KDM7A: variants seen among roughly 807,000 people sequenced by gnomAD.
KDM7A encodes lysine-specific demethylase 7A.
A neutral mutation model predicts 114.8 loss-of-function variants in KDM7A; 28 were observed. The observed-to-expected ratio is 0.24, with a 90% CI of 0.18 to 0.33. The LOEUF is 0.33. Ranked by LOEUF, KDM7A falls within the 10% of genes least tolerant of loss-of-function variation. The probability of loss-of-function intolerance (pLI) is 1.00; values close to 1 mark genes in which losing one functional copy is unlikely to be tolerated. For synonymous variants in KDM7A, 423 were observed against 397.8 expected (o/e 1.06, Z -0.75); for missense variants, 942 against 1,142.5 (o/e 0.82, Z 2.53).
chr7:140,092,252 G>T, intron 18 of KDM7A, 175 bp from the exon 19 acceptor site: 1 of 623,430 alleles, frequency 1.6e-6, no homozygotes, highest in Non-Finnish European at 2.8e-6. Context: ...CAGTAGCTCT[G>T]AAGGACTCGG....
At chr7:140,145,861 A>C (rs1794333686) in intron 1 of KDM7A, among the ~76,000 whole-genome samples, 1 of 152,228 alleles carries the variant, frequency 6.6e-6, no homozygotes, top group Non-Finnish European at 1.5e-5. Context: ...TAAACTCTCC[A>C]TGACATCTAA....
At chr7:140,114,816 C>T (rs1294517695) in intron 9 of KDM7A, among the ~76,000 whole-genome samples, 1 of 150,294 alleles carries the variant, frequency 6.7e-6, no homozygotes, top group East Asian at 2.0e-4. Flanking sequence ...TCTGCCCGGC[C>T]GCGACCCCGT....
intron 1 of KDM7A, among the ~76,000 whole-genome samples, chr7:140,142,840 C>T (rs892375673): frequency 1.3e-5 from 2 of 151,828 alleles, no homozygotes; most frequent in Non-Finnish European, 2.9e-5. Context: ...TTTGTGAAGT[C>T]TATAAATAGT....
At chr7:140,094,960 G>A (rs1305321003) in intron 17 of KDM7A, among the ~76,000 whole-genome samples, 4 of 152,162 alleles carry the variant, frequency 2.6e-5, no homozygotes, top group Non-Finnish European at 5.9e-5. Flanking sequence ...CGATTCTCCT[G>A]CCTCAGCCTC....
chr7:140,117,119 A>T (rs1039049960), intron 9 of KDM7A, among the ~76,000 whole-genome samples: 5 of 152,262 alleles, frequency 3.3e-5, no homozygotes, highest in African/African-American at 1.2e-4. Flanking sequence ...TGCCTTGATG[A>T]GACTGGATTG....
intron 15 of KDM7A, among the ~76,000 whole-genome samples, chr7:140,097,332 C>T (rs1029951092): frequency 6.6e-6 from 1 of 152,106 alleles, no homozygotes; most frequent in African/African-American, 2.4e-5. Context: ...CTCCCTCTAC[C>T]CTTTCCAAAA....
At chr7:140,109,171 G>A (rs1005087882) in intron 11 of KDM7A, among the ~76,000 whole-genome samples, 2 of 152,148 alleles carry the variant, frequency 1.3e-5, no homozygotes, top group South Asian at 2.1e-4. Flanking sequence ...CGTCTGTCAC[G>A]GCTTCCCTTA....
chr7:140,105,729 T>C (rs942899080), intron 11 of KDM7A, among the ~76,000 whole-genome samples: 11 of 152,300 alleles, frequency 7.2e-5, no homozygotes, highest in African/African-American at 2.2e-4. Flanking sequence ...ATGTTCATCA[T>C]GGATATTGGT....
intron 3 of KDM7A, among the ~76,000 whole-genome samples, chr7:140,130,851 C>CTTTTTTT (rs574245274): frequency 1.0e-5 from 1 of 97,238 alleles, no homozygotes; most frequent in African/African-American, 4.2e-5. Context: ...TTTAATAAGT[C>CTTTTTTT]TTTTTTTTTT....
chr7:140,101,522 C>G (rs1057287319), intron 12 of KDM7A, among the ~76,000 whole-genome samples: 5 of 152,170 alleles, frequency 3.3e-5, no homozygotes, highest in Non-Finnish European at 2.9e-5. Flanking sequence ...TACCCCATCC[C>G]CCTTTATTCT....
intron 9 of KDM7A, among the ~76,000 whole-genome samples, chr7:140,117,663 T>C (rs751159844): frequency 2.0e-5 from 3 of 152,212 alleles, no homozygotes; most frequent in African/African-American, 7.2e-5. Flanking sequence ...TTTATAAGTA[T>C]ATAAGTGTTC....
At position 140,099,127 on chromosome 7, in the gene KDM7A, G is replaced by A. The variant is rs7793164; in HGVS notation, c.1764-94C>T. On this transcript the variant is annotated intron_variant, in intron 13 of 19. Transcript: ENST00000397560. ...TCTCCCTTAATTTACAAAGAGTAGA[G>A]AATTGAGACACTGTCCCCATATTTC... 1,009 of 924,560 alleles carry A rather than the reference G, an allele frequency of 1.1e-3. 10 individuals carry two copies. In the African/African-American group the frequency reaches 0.014, roughly 13 times the overall value. 57.3% of individuals were successfully genotyped at this position (924,560 alleles called of 1,614,324 possible).
chr7:140,144,947 T>G (rs1036313747), intron 1 of KDM7A, among the ~76,000 whole-genome samples: 1 of 152,124 alleles, frequency 6.6e-6, no homozygotes, highest in Non-Finnish European at 1.5e-5. Context: ...CCCTTCGCCT[T>G]CTGCCATGAT....
chr7:140,137,553 T>C (rs1228461956), intron 2 of KDM7A, among the ~76,000 whole-genome samples: 1 of 152,228 alleles, frequency 6.6e-6, no homozygotes, highest in African/African-American at 2.4e-5. Context: ...AAGTTATATA[T>C]CATATACTCA....
intron 1 of KDM7A, among the ~76,000 whole-genome samples, chr7:140,166,597 C>A (rs1394338467): frequency 1.3e-5 from 2 of 152,120 alleles, no homozygotes; most frequent in East Asian, 1.9e-4. Context: ...CTTGGCCTCC[C>A]AAAGTGCTGG....
chr7:140,100,660 T>TTATATATATATATATATACATA (rs1818185318), intron 12 of KDM7A, among the ~76,000 whole-genome samples: 5 of 111,282 alleles, frequency 4.5e-5, no homozygotes, highest in Non-Finnish European at 9.0e-5. Flanking sequence ...TTTTAAAAAG[T>TTATATATATATATATATACATA]TATATATATA....
chr7:140,175,793 C>G (rs1794697712), intron 1 of KDM7A, among the ~76,000 whole-genome samples: 1 of 145,286 alleles, frequency 6.9e-6, no homozygotes, highest in Admixed American at 6.9e-5. Flanking sequence ...CCGCAGCGTC[C>G]GCCCGGCCGA....
intron 1 of KDM7A, among the ~76,000 whole-genome samples, chr7:140,170,722 A>G (rs574055302): frequency 4.6e-5 from 7 of 152,336 alleles, no homozygotes; most frequent in Admixed American, 3.3e-4. Flanking sequence ...TTCGATATTT[A>G]TCTCTCTTTC....
chr7:140,096,146 G>A (rs568080617), intron 17 of KDM7A, among the ~76,000 whole-genome samples: 2 of 152,216 alleles, frequency 1.3e-5, no homozygotes, highest in East Asian at 3.9e-4. Flanking sequence ...TTTCAAGTAG[G>A]AGAAGGAATA....
Sources: gnomAD v4.1 joint callset for allele counts (sites outside exome capture counted in the v4.1 genomes callset) on GRCh38, gnomAD v4.1.1 for gene constraint, MANE v1.5 for transcripts, NCBI Gene and HGNC (gene_info 2026-07-23, HGNC 2026-07-21) for gene names.